The following MIDEAS variants were observed in gnomAD, a reference collection of about 807,000 sequenced individuals.
The protein encoded by MIDEAS is mitotic deacetylase-associated SANT domain protein.
In MIDEAS, 26 loss-of-function variants were observed where a neutral mutation model predicts 102.7. The observed-to-expected ratio is 0.25, with a 90% CI of 0.19 to 0.35. The LOEUF is 0.35. Among genes scored for constraint, MIDEAS ranks in the 10% least tolerant of loss-of-function variants. The probability of loss-of-function intolerance (pLI) is 1.00; values close to 1 mark genes in which losing one functional copy is unlikely to be tolerated. For synonymous variants in MIDEAS, 585 were observed against 591.0 expected (o/e 0.99, Z 0.15); for missense variants, 1,231 against 1,435.6 (o/e 0.86, Z 2.30).
At position 73,729,896 on chromosome 14, in the gene MIDEAS, G is replaced by T. The variant is rs756256233; in HGVS notation, c.1839C>A (p.Thr613=). ...GAGGGGCGATGAAAGTGCCCGCCTTGGTGGGGATGATGAGGGGCTCGGGCC... is the reference window on the plus strand; with the variant it reads ...GAGGGGCGATGAAAGTGCCCGCCTTTGTGGGGATGATGAGGGGCTCGGGCC... ...RPRPEPLIIP[T]KAGTFIAPPV... The change falls in exon 4 of 13, where the codon ACC becomes ACA. Residue 613 remains threonine (T), a synonymous_variant. Transcript: ENST00000423556. 1 of 1,613,134 alleles carries T rather than the reference G, an allele frequency of 6.2e-7. No individual in the cohort carries two copies. The highest frequency in any genetic ancestry group is 2.2e-5 in the East Asian group (1 of 44,864).
At chr14:73,779,394 C>CAA (rs35902307) in intron 1 of MIDEAS, among the ~76,000 whole-genome samples, 13,886 of 103,954 alleles carry the variant, frequency 0.13, 1,198 homozygotes, top group Middle Eastern at 0.22. Context: ...GATTCCATCT[C>CAA]AAAAAAAAAA....
intron 1 of MIDEAS, among the ~76,000 whole-genome samples, chr14:73,779,419 C>T (rs2053725375): frequency 1.4e-5 from 2 of 145,716 alleles, no homozygotes; most frequent in South Asian, 4.5e-4. Flanking sequence ...AAAAGTGCAA[C>T]TTCTTCCAGA....
At chr14:73,738,193 C>T (rs377699885) in intron 2 of MIDEAS, among the ~76,000 whole-genome samples, 1 of 151,992 alleles carries the variant, frequency 6.6e-6, no homozygotes, top group Non-Finnish European at 1.5e-5. Context: ...GTCAGGAGTT[C>T]GAGACCAGCC....
In MIDEAS at chr14:73,749,360, C is replaced by T. The variant is rs571862652; in HGVS notation, c.-247-9105G>A. Among the ~76,000 whole-genome samples, 14 of 122,236 alleles carry T rather than the reference C, an allele frequency of 1.1e-4. No individual in the cohort carries two copies. The East Asian group carries it at 1.8e-3, about 15-fold the overall frequency. The allele number at this position is 122,236 out of a possible 152,430, so 80.2% of individuals were successfully genotyped here. ...ACCAGCCTGGGCAACAAAACGAGAC[C>T]GTGTCTCTACAAAAAAAAAAAAAAA... is the stretch of plus-strand genomic sequence containing the variant. On this transcript the variant is annotated intron_variant, in intron 1 of 12. Coordinates refer to ENST00000423556, the MANE Select transcript of MIDEAS (RefSeq NM_001367710.1).
chr14:73,754,266 G>A (rs1305195271), intron 1 of MIDEAS, among the ~76,000 whole-genome samples: 1 of 152,226 alleles, frequency 6.6e-6, no homozygotes, highest in African/African-American at 2.4e-5. Flanking sequence ...CCTCTGCCCC[G>A]TTTTTCCCCT....
At chr14:73,754,549 T>C (rs937139056) in intron 1 of MIDEAS, among the ~76,000 whole-genome samples, 3 of 152,072 alleles carry the variant, frequency 2.0e-5, no homozygotes, top group Non-Finnish European at 4.4e-5. Flanking sequence ...CCTCCCAAAG[T>C]GAAAGTGGAG....
Position 73,731,465 on chromosome 14 carries a change from G to T in MIDEAS, c.1750-1480C>A, listed in dbSNP as rs1308374249. ...TCTTCTTCCCTTAGGAAAACAATAT[G>T]ATTGCACAGAAAAAAAAAAAAATGC... On this transcript the variant is annotated intron_variant, in intron 3 of 12. Coordinates refer to ENST00000423556, the MANE Select transcript of MIDEAS (RefSeq NM_001367710.1). 1.3e-5 allele frequency among the ~76,000 whole-genome samples: 2 copies of T among 149,630 alleles called. 1 individual carries two copies. Among genetic ancestry groups the T allele is most frequent in the East Asian group, 3.9e-4 (2 of 5,134 alleles).
chr14:73,739,624 G>A lies in MIDEAS; in HGVS notation c.385C>T (p.Pro129Ser), dbSNP rs2053257209. The A allele has an allele frequency of 6.2e-7, 1 of 1,613,958 alleles. No homozygotes were observed. Among genetic ancestry groups the A allele is most frequent in the Non-Finnish European group, 8.5e-7 (1 of 1,179,988 alleles). The change falls in exon 2 of 13, where the codon CCA becomes TCA. Residue 129 changes from proline to serine, a missense_variant. Physicochemically the swap from Pro to Ser is moderately conservative, Grantham distance 74. Around this residue, in one of 5 missense-constraint regions of MIDEAS, gnomAD observed 758 missense variants for 856.0 expected, o/e 0.89. Transcript: ENST00000423556. The part of the protein sequence containing the change: ...SSWQQQPGQP[P>S]PHSTWNCHSL... ...TGGCAGTTCCATGTTGAATGGGGTG[G>A]AGGCTGGCCTGGCTGCTGCTGCCAG...
rs200231851 is a variant in MIDEAS, at chr14:73,739,146, A to C, written c.863T>G (p.Phe288Cys). ...PQQPSQQPQDFGLQPAGPLGQ... is the reference protein window; with the variant it reads ...PQQPSQQPQDCGLQPAGPLGQ... ...CAGTGGCCCAGCTGGCTGCAGGCCA[A>C]AGTCCTGGGGTTGCTGCGAGGGTTG... is the stretch of plus-strand genomic sequence containing the variant. The change falls in exon 2 of 13, where the codon TTT (phenylalanine) becomes TGT (cysteine). Residue 288 changes from phenylalanine to cysteine, a missense_variant. By Grantham distance (205) the Phe-to-Cys change is radical (BLOSUM62 -2). Coordinates refer to ENST00000423556, the MANE Select transcript of MIDEAS (RefSeq NM_001367710.1). 1.3e-4 allele frequency: 206 copies of C among 1,613,454 alleles called. No individual in the cohort carries two copies. Among genetic ancestry groups the C allele is most frequent in the South Asian group, 7.4e-4 (67 of 91,020 alleles).
intron 10 of MIDEAS, 29 bp from the exon 11 acceptor site, chr14:73,721,538 G>C (rs780228313): frequency 1.1e-5 from 17 of 1,600,746 alleles, no homozygotes; most frequent in Non-Finnish European, 1.4e-5. Context: ...AGGGCAGTGA[G>C]CCTAGAGCTC....
Position 73,718,706 on chromosome 14 carries a change from T to G in MIDEAS, c.*137A>C. On this transcript the variant is annotated 3_prime_UTR_variant, in exon 13 of 13. Coordinates refer to ENST00000423556, the MANE Select transcript of MIDEAS (RefSeq NM_001367710.1). The stretch of plus-strand genomic sequence containing the variant: ...ATAAATAAAAGAGCCGTTTATGTCA[T>G]TGTCTCATTTGTTTCGCAGGGAAAA... The G allele has an allele frequency of 2.2e-5, 19 of 854,958 alleles. No homozygotes were observed. Among genetic ancestry groups the G allele is most frequent in the East Asian group, 1.1e-4 (3 of 28,442 alleles). 53.0% of individuals were successfully genotyped at this position (854,958 alleles called of 1,614,324 possible).
At chr14:73,758,918 C>T (rs934772606) in intron 1 of MIDEAS, 3 of 153,466 alleles carry the variant, frequency 2.0e-5, no homozygotes, top group Admixed American at 1.3e-4. Flanking sequence ...CATGGTCCTG[C>T]ATGTGCGACT....
At position 73,759,401 on chromosome 14, in the gene MIDEAS, G is replaced by GCCGGGTGGGGAGGGCTTT. The variant is rs1340043144; in HGVS notation, c.-248+344_-248+361dup. Reference sequence around the variant, plus strand: ...CCGGATTCCCGAGCCGCCGCGGGCCGCCGGGTGGGGAGGGCTTTCCTGGCG... The same window carrying GCCGGGTGGGGAGGGCTTT: ...CCGGATTCCCGAGCCGCCGCGGGCCGCCGGGTGGGGAGGGCTTTCCGGGTGGGGAGGGCTTTCCTGGCG... On this transcript the variant is annotated intron_variant, in intron 1 of 12. Coordinates refer to ENST00000423556, the MANE Select transcript of MIDEAS (RefSeq NM_001367710.1). This position sits in a 1 kb window ranked among gnomAD's most constrained non-coding sequence, Gnocchi z 6.7. 1.3e-5 allele frequency among the ~76,000 whole-genome samples: 2 copies of GCCGGGTGGGGAGGGCTTT among 151,914 alleles called. No individual in the cohort carries two copies. The highest frequency in any genetic ancestry group is 4.8e-5 in the African/African-American group (2 of 41,390).
intron 1 of MIDEAS, among the ~76,000 whole-genome samples, chr14:73,751,825 A>G (rs770506033): frequency 5.3e-5 from 8 of 152,282 alleles, no homozygotes; most frequent in Middle Eastern, 3.4e-3. Context: ...GCTTGAACCC[A>G]GGAGGCAGAG....
intron 1 of MIDEAS, among the ~76,000 whole-genome samples, chr14:73,749,850 C>T (rs2053399743): frequency 6.6e-6 from 1 of 152,182 alleles, no homozygotes; most frequent in South Asian, 2.1e-4. Context: ...TCCACACCTT[C>T]GGTGTCACAG....
At chr14:73,752,397 G>A (rs1034728243) in intron 1 of MIDEAS, among the ~76,000 whole-genome samples, 3 of 152,166 alleles carry the variant, frequency 2.0e-5, no homozygotes, top group Non-Finnish European at 4.4e-5. Context: ...TGTAGCATGT[G>A]TGTCAAGCCT....
At chr14:73,773,633 C>G (rs530870917) in intron 1 of MIDEAS, among the ~76,000 whole-genome samples, 1 of 151,900 alleles carries the variant, frequency 6.6e-6, no homozygotes, top group Non-Finnish European at 1.5e-5. Flanking sequence ...ACTCTGCAAA[C>G]AATATAAGCC....
chr14:73,752,575 A>T (rs1039109667), intron 1 of MIDEAS, among the ~76,000 whole-genome samples: 9 of 152,038 alleles, frequency 5.9e-5, no homozygotes, highest in Non-Finnish European at 1.2e-4. Context: ...GGAAGCAAAA[A>T]AATTTGCCAC....
At position 73,785,994 on chromosome 14, in the gene MIDEAS, T is replaced by C. The variant is rs148855204; in HGVS notation, c.-248+1108A>G. On this transcript the variant is annotated intron_variant, in intron 1 of 11. Coordinates refer to the MIDEAS transcript ENST00000394071. ...TCGCCACTACCGAGGTCTTGCACAATAGCCTGTGTATAAACATCCACGCCA... is the reference window on the plus strand; with the variant it reads ...TCGCCACTACCGAGGTCTTGCACAACAGCCTGTGTATAAACATCCACGCCA... Among the ~76,000 whole-genome samples the C allele has an allele frequency of 3.3e-3, 496 of 152,348 alleles. 2 individuals are homozygous for C. The highest frequency in any genetic ancestry group is 5.4e-3 in the Non-Finnish European group (365 of 68,022).
Sources: gnomAD v4.1 joint callset for allele counts (sites outside exome capture counted in the v4.1 genomes callset) on GRCh38, gnomAD v4.1.1 for gene constraint, gnomAD v4.1.1 regional missense constraint, Gnocchi (gnomAD v3.1) non-coding constraint, MANE v1.5 for transcripts, NCBI Gene and HGNC (gene_info 2026-07-23, HGNC 2026-07-21) for gene names.